UVSSA: variants seen among roughly 807,000 people sequenced by gnomAD.
UVSSA encodes the protein UV-stimulated scaffold protein A.
Under a neutral mutation model 73.9 loss-of-function variants are expected in UVSSA, and 72 were observed. That is an observed-to-expected ratio of 0.97 (90% CI 0.81 to 1.19). The LOEUF (loss-of-function observed/expected upper bound fraction) is 1.19. Among genes scored for constraint, UVSSA ranks in the 50% most tolerant of loss-of-function variants. The pLI, the probability that UVSSA is intolerant of heterozygous loss-of-function variation, is 0.00. For missense variants in UVSSA, 1,150 were observed against 965.0 expected, an observed-to-expected ratio of 1.19 and a Z score of -2.54; for synonymous variants, 454 against 391.3, an observed-to-expected ratio of 1.16 and a Z score of -1.89.
chr4:1,361,442 G>A (rs1716613000), intron 7 of UVSSA, among the ~76,000 whole-genome samples: 1 of 152,250 alleles, frequency 6.6e-6, no homozygotes, highest in East Asian at 1.9e-4. Flanking sequence ...ATTCTAGAAA[G>A]CAACGACTTG....
At chr4:1,374,701 C>G (rs1302493530) in intron 8 of UVSSA, among the ~76,000 whole-genome samples, 1 of 152,198 alleles carries the variant, frequency 6.6e-6, no homozygotes, top group Non-Finnish European at 1.5e-5. Context: ...GAGGGAGTTG[C>G]CAGGGCCAAG....
chr4:1,381,686 CTTTT>C (rs1318393473), intron 12 of UVSSA, among the ~76,000 whole-genome samples: 3 of 131,742 alleles, frequency 2.3e-5, no homozygotes, highest in Non-Finnish European at 1.6e-5. Flanking sequence ...TTTGATTTGG[CTTTT>C]TTTTTTTTTT....
At chr4:1,342,622 C>A (rs4974551), upstream of UVSSA, among the ~76,000 whole-genome samples, 43,763 of 151,950 alleles carry the variant, frequency 0.29, 7,375 homozygotes, top group Non-Finnish European at 0.39. Flanking sequence ...TCAGTTTCGG[C>A]TTTTAAGTCT....
rs553666788 is a variant in UVSSA, at chr4:1,395,189, G to A, written c.*9228G>A. ...TTCGCCTGCTCACACGTGCCGATGC[G>A]GAGTGCCCGCCTGCTCACACGTGCC... On this transcript the variant is annotated 3_prime_UTR_variant, in exon 14 of 14. Transcript: ENST00000511216. 8.2e-4 allele frequency: 1,187 copies of A among 1,443,712 alleles called. 54 individuals carry two copies. In the East Asian group the frequency reaches 0.026, roughly 32 times the overall value. 89.4% of individuals were successfully genotyped at this position (1,443,712 alleles called of 1,614,324 possible).
chr4:1,343,954 T>A (rs2109030484), upstream of UVSSA, among the ~76,000 whole-genome samples: 1 of 152,340 alleles, frequency 6.6e-6, no homozygotes, highest in African/African-American at 2.4e-5. Flanking sequence ...CACCTCAGTT[T>A]TTAAAGGCTA....
chr4:1,352,318 C>G (rs1469555915), intron 4 of UVSSA, among the ~76,000 whole-genome samples: 1 of 152,252 alleles, frequency 6.6e-6, no homozygotes, highest in Non-Finnish European at 1.5e-5. Context: ...GGCCCTGTGT[C>G]TTCAGACTAC....
intron 7 of UVSSA, among the ~76,000 whole-genome samples, chr4:1,363,322 AT>A (rs1163250421): frequency 1.3e-5 from 2 of 152,142 alleles, no homozygotes; most frequent in African/African-American, 4.8e-5. Flanking sequence ...AGGGCTCCAA[AT>A]TTAGTCACAG....
At chr4:1,390,127 A>C (rs972942253), downstream of UVSSA, 1 of 152,174 alleles carries the variant, frequency 6.6e-6, no homozygotes, top group African/African-American at 2.4e-5. Context: ...TTATCTCAGC[A>C]CTGATTTACT....
At chr4:1,369,472 G>T (rs1577343626) in intron 8 of UVSSA, among the ~76,000 whole-genome samples, 1 of 152,250 alleles carries the variant, frequency 6.6e-6, no homozygotes, top group African/African-American at 2.4e-5. Context: ...TTAAACGTGG[G>T]CGAATCTGAA....
chr4:1,380,619 A>G, intron 11 of UVSSA: 2 of 1,505,956 alleles, frequency 1.3e-6, no homozygotes, highest in South Asian at 2.4e-5. Context: ...CGCTATGGCC[A>G]TGCTGGATGA....
At chr4:1,366,823 G>A (rs796872092) in intron 8 of UVSSA, among the ~76,000 whole-genome samples, 7 of 152,284 alleles carry the variant, frequency 4.6e-5, no homozygotes, top group African/African-American at 1.7e-4. Flanking sequence ...CCAGCACACC[G>A]GCCTGCTGTG....
In UVSSA at chr4:1,383,511, G is replaced by T. The variant is rs566134117; in HGVS notation, c.1862-255G>T. Reference sequence around the variant, plus strand: ...CTCTGGGCTGCAGGGGCCTGTGGGGGTGTGGGGCGGTGGGGGCAAGCTCTG... The same window carrying T: ...CTCTGGGCTGCAGGGGCCTGTGGGGTTGTGGGGCGGTGGGGGCAAGCTCTG... On this transcript the variant is annotated intron_variant, in intron 12 of 13. Coordinates refer to ENST00000389851, the MANE Select transcript of UVSSA (RefSeq NM_020894.4). Among the ~76,000 whole-genome samples the T allele has an allele frequency of 3.2e-4, 49 of 152,332 alleles. No homozygotes were observed. The East Asian group carries it at 5.0e-3, about 16-fold the overall frequency.
rs760545821 is a variant in UVSSA at position 1,353,102 on chromosome 4, T to C, written c.623T>C (p.Phe208Ser). ...TTTAGGCTGCTGGTGCCTTTTGACT[T>C]TGACCCGAACCCGGAGACGGAATCC... ...SCFRLLVPFDFDPNPETESLG... is the reference protein window; with the variant it reads ...SCFRLLVPFDSDPNPETESLG... The change falls in exon 5 of 14, where the codon TTT becomes TCT. Residue 208 changes from phenylalanine to serine, a missense_variant. Physicochemically the swap from Phe to Ser is radical, Grantham distance 155. Coordinates refer to ENST00000389851, the MANE Select transcript of UVSSA (RefSeq NM_020894.4). 6.2e-7 allele frequency: 1 copy of C among 1,613,054 alleles called. No individual in the cohort carries two copies. Among genetic ancestry groups the C allele is most frequent in the South Asian group, 1.1e-5 (1 of 91,080 alleles).
At chr4:1,342,988 G>C (rs528770389), upstream of UVSSA, among the ~76,000 whole-genome samples, 9 of 152,054 alleles carry the variant, frequency 5.9e-5, no homozygotes, top group African/African-American at 2.2e-4. Context: ...TTCCACGCAC[G>C]TTGTAAAATC....
rs1267538464 is a variant in UVSSA, at chr4:1,386,670, C to G, written c.*709C>G. 1.3e-5 allele frequency: 2 copies of G among 152,148 alleles called. No homozygotes were observed. The highest frequency in any genetic ancestry group is 4.8e-5 in the African/African-American group (2 of 41,426). The allele number at this position is 152,148 out of a possible 1,614,324, so 9.4% of individuals were successfully genotyped here. ...CCTTTGGAGAGGAGTCTATTCAAAC[C>G]TCTTGCCTATTTTTAATTGAATGAT... is the stretch of plus-strand genomic sequence containing the variant. On this transcript the variant is annotated 3_prime_UTR_variant, in exon 14 of 14. Coordinates refer to ENST00000389851, the MANE Select transcript of UVSSA (RefSeq NM_020894.4).
intron 3 of UVSSA, 93 bp downstream of exon 3, chr4:1,349,947 T>G: frequency 8.2e-7 from 1 of 1,213,570 alleles, no homozygotes; most frequent in Middle Eastern, 2.2e-4. Flanking sequence ...CTGTTGAACC[T>G]AGCACAGCAG....
intron 7 of UVSSA, among the ~76,000 whole-genome samples, chr4:1,357,584 A>G (rs1715971406): frequency 6.6e-6 from 1 of 152,216 alleles, no homozygotes; most frequent in South Asian, 2.1e-4. Flanking sequence ...CAGCGCGGCC[A>G]CGGTACCAGC....
downstream of UVSSA, chr4:1,392,866 G>A (rs1202363815): frequency 6.6e-6 from 1 of 152,190 alleles, no homozygotes; most frequent in Non-Finnish European, 1.5e-5. Flanking sequence ...TCAGCTTCAT[G>A]TTCAGCCAGT....
At chr4:1,352,274 C>T (rs1379612924) in intron 4 of UVSSA, among the ~76,000 whole-genome samples, 1 of 152,240 alleles carries the variant, frequency 6.6e-6, no homozygotes, top group African/African-American at 2.4e-5. Flanking sequence ...TGCCACGGCC[C>T]TCCTGAGACA....
Sources: allele counts gnomAD v4.1 joint callset (sites outside exome capture counted in the v4.1 genomes callset), GRCh38; gene constraint gnomAD v4.1.1; transcripts MANE v1.5; gene names NCBI Gene and HGNC (gene_info 2026-07-23, HGNC 2026-07-21).